Variants in ARID3A observed in about 807,000 individuals in gnomAD.
The protein encoded by ARID3A is AT-rich interactive domain-containing protein 3A.
A neutral mutation model predicts 52.7 loss-of-function variants in ARID3A; 11 were observed. The observed-to-expected ratio is 0.21, with a 90% CI of 0.13 to 0.35. The LOEUF is 0.35. ARID3A is among the 10% of genes least tolerant of loss of function. ARID3A has a pLI of 1.00. For synonymous variants in ARID3A, 404 were observed against 359.4 expected (o/e 1.12, Z -1.40); for missense variants, 721 against 838.5 (o/e 0.86, Z 1.73).
Position 964,887 on chromosome 19 carries a change from C to A in ARID3A, c.1005C>A (p.Pro335=). 1 of 1,613,988 alleles carries A rather than the reference C, an allele frequency of 6.2e-7. No individual in the cohort carries two copies. Among genetic ancestry groups the A allele is most frequent in the East Asian group, 2.2e-5 (1 of 44,884 alleles). Residue 335 remains proline (P), a synonymous_variant, in exon 6 of 9, where the codon CCC becomes CCA. Coordinates refer to ENST00000263620, the MANE Select transcript of ARID3A (RefSeq NM_005224.3). The surrounding 1 kb of genome is among the most constrained non-coding windows in gnomAD (Gnocchi z 5.7). ...YECEKRGLSN[P]NELQAAIDSN... is the part of the protein sequence containing the mutation. ...GTGAGAAGCGGGGCCTCAGTAACCCCAATGAGCTCCAGGCAGCCATAGACA... is the reference window on the plus strand; with the variant it reads ...GTGAGAAGCGGGGCCTCAGTAACCCAAATGAGCTCCAGGCAGCCATAGACA...
chr19:965,173 A>T lies in ARID3A; in HGVS notation c.1198+93A>T, dbSNP rs2038123215. 3.6e-6 allele frequency: 5 copies of T among 1,399,394 alleles called. No individual in the cohort carries two copies. The East Asian group carries it at 1.2e-4, about 35-fold the overall frequency. 86.7% of individuals were successfully genotyped at this position (1,399,394 alleles called of 1,614,324 possible). ...GGATACCTCTTCCCCTCTCTGGGTAACCAGGATGAAAAACCCTATAGTTGG... is the reference window on the plus strand; with the variant it reads ...GGATACCTCTTCCCCTCTCTGGGTATCCAGGATGAAAAACCCTATAGTTGG... On this transcript the variant is annotated intron_variant, in intron 6 of 8. Transcript: ENST00000263620.
In ARID3A at chr19:929,441, C is replaced by CCA; in HGVS notation, c.-88_-87insCA. Reference sequence around the variant, plus strand: ...CCACGCTGCAGTGCGGCCGGGCCCCCTCCCCGCAGGGGCCGCCCCCGCCGC... The same window carrying CCA: ...CCACGCTGCAGTGCGGCCGGGCCCCCCATCCCCGCAGGGGCCGCCCCCGCCGC... On this transcript the variant is annotated 5_prime_UTR_variant, in exon 2 of 9. Transcript: ENST00000263620. The surrounding 1 kb of genome is among the most constrained non-coding windows in gnomAD (Gnocchi z 6.2). 1.6e-6 allele frequency: 2 copies of CCA among 1,270,374 alleles called. No individual in the cohort carries two copies. Among genetic ancestry groups the CCA allele is most frequent in the Non-Finnish European group, 2.0e-6 (2 of 1,001,004 alleles). 78.7% of individuals were successfully genotyped at this position (1,270,374 alleles called of 1,614,324 possible). A position where few individuals can be genotyped will look rare whatever the true frequency, so the allele number is the denominator to read the frequency against.
chr19:975,010 G>C lies in ARID3A; in HGVS notation c.*2945G>C, dbSNP rs888212716. On this transcript the variant is annotated 3_prime_UTR_variant, in exon 9 of 9. Transcript: ENST00000263620. Reference sequence around the variant, plus strand: ...TCCTGGATACTCGGCAGGAAGCCGTGTCTGCAGAGGCTCCTCCCTGCCTCA... The same window carrying C: ...TCCTGGATACTCGGCAGGAAGCCGTCTCTGCAGAGGCTCCTCCCTGCCTCA... 4.3e-6 allele frequency: 1 copy of C among 232,366 alleles called. No homozygotes were observed. The highest frequency in any genetic ancestry group is 2.2e-5 in the African/African-American group (1 of 45,258). 14.4% of individuals were successfully genotyped at this position (232,366 alleles called of 1,614,324 possible).
At chr19:951,577 C>CT (rs568458909) in intron 3 of ARID3A, among the ~76,000 whole-genome samples, 214 of 152,008 alleles carry the variant, frequency 1.4e-3, no homozygotes, top group Middle Eastern at 0.01. Flanking sequence ...ACAACGTAGA[C>CT]TAAAGAACCA....
At position 948,590 on chromosome 19, in the gene ARID3A, C is replaced by T. The variant is rs963961752; in HGVS notation, c.694-11502C>T. On this transcript the variant is annotated intron_variant, in intron 3 of 8. Coordinates refer to ENST00000263620, the MANE Select transcript of ARID3A (RefSeq NM_005224.3). The stretch of plus-strand genomic sequence containing the variant: ...CCCCGTGCCCTCCTCCCGCCTGCAG[C>T]CCCAGGCTCTGCTCCGTCTTCATTC... Among the ~76,000 whole-genome samples the T allele has an allele frequency of 8.5e-5, 13 of 152,254 alleles. No individual in the cohort carries two copies. The East Asian group carries it at 2.5e-3, about 29-fold the overall frequency.
At chr19:932,276 G>T in intron 2 of ARID3A, 142 bp from the exon 3 acceptor site, 3 of 1,451,134 alleles carry the variant, frequency 2.1e-6, no homozygotes, top group East Asian at 2.5e-5. Context: ...GCTCATGAGC[G>T]CTCTCTGCAG....
At chr19:968,711 G>A (rs534558878) in intron 8 of ARID3A, 97 of 519,540 alleles carry the variant, frequency 1.9e-4, no homozygotes, top group African/African-American at 1.6e-3. Context: ...AGAGGGGGTC[G>A]TCCACAGATA....
At chr19:953,648 T>G (rs1425733914) in intron 3 of ARID3A, among the ~76,000 whole-genome samples, 3 of 151,434 alleles carry the variant, frequency 2.0e-5, no homozygotes, top group Non-Finnish European at 4.4e-5. Flanking sequence ...AGGGGGGCTG[T>G]GGAGGGGGCT....
chr19:974,298 G>GT lies in ARID3A; in HGVS notation c.*2234dup, dbSNP rs2038338576. 4.4e-6 allele frequency: 1 copy of GT among 228,466 alleles called. No individual in the cohort carries two copies. The highest frequency in any genetic ancestry group is 8.7e-6 in the Non-Finnish European group (1 of 115,094). 14.2% of individuals were successfully genotyped at this position (228,466 alleles called of 1,614,324 possible). On this transcript the variant is annotated 3_prime_UTR_variant, in exon 9 of 9. Coordinates refer to ENST00000263620, the MANE Select transcript of ARID3A (RefSeq NM_005224.3). ...ACACACACCCCCTTTCCAGGAGGGG[G>GT]TGGTGGGCGTCTAGGTTTTCCTTGT... is the stretch of plus-strand genomic sequence containing the variant.
In ARID3A at chr19:953,480, C is replaced by G. The variant is rs555624721; in HGVS notation, c.694-6612C>G. Among the ~76,000 whole-genome samples the G allele has an allele frequency of 3.9e-4, 60 of 152,070 alleles. 1 individual carries two copies. In the South Asian group the frequency reaches 8.7e-3, roughly 22 times the overall value. On this transcript the variant is annotated intron_variant, in intron 3 of 8. Coordinates refer to ENST00000263620, the MANE Select transcript of ARID3A (RefSeq NM_005224.3). Reference sequence around the variant, plus strand: ...CACCCCCCCAGGCCTCCCACACCCCCCCCCGTGCAGAGCCGGGGGAGTGTC... The same window carrying G: ...CACCCCCCCAGGCCTCCCACACCCCGCCCCGTGCAGAGCCGGGGGAGTGTC...
intron 8 of ARID3A, among the ~76,000 whole-genome samples, chr19:971,031 G>A (rs930016761): frequency 2.0e-5 from 3 of 152,168 alleles, no homozygotes; most frequent in East Asian, 1.9e-4. Context: ...TAGGGGTCTC[G>A]CAACCCCACA....
At position 935,464 on chromosome 19, in the gene ARID3A, C is replaced by A. The variant is rs532938903; in HGVS notation, c.693+2722C>A. 3.6e-4 allele frequency among the ~76,000 whole-genome samples: 55 copies of A among 152,202 alleles called. 1 individual carries two copies. Among genetic ancestry groups the A allele is most frequent in the African/African-American group, 1.3e-3 (52 of 41,522 alleles). ...AGGCCCAGCTTCTAGAAAGCGGCCA[C>A]GGTAGGATTTTATTGGATTATTATT... On this transcript the variant is annotated intron_variant, in intron 3 of 8. Transcript: ENST00000263620.
Position 972,836 on chromosome 19 carries a change from C to G in ARID3A, c.*771C>G, listed in dbSNP as rs916636742. On this transcript the variant is annotated 3_prime_UTR_variant, in exon 9 of 9. Transcript: ENST00000263620. ...AAAAAAAAAAAAAAAAAAAAACTCA[C>G]CTTTTTATTTTTCCCATGACCAATT... 16 of 131,156 alleles carry G rather than the reference C, an allele frequency of 1.2e-4. No homozygotes were observed. The highest frequency in any genetic ancestry group is 4.0e-3 in the Middle Eastern group (1 of 252). The allele number at this position is 131,156 out of a possible 1,614,324, so 8.1% of individuals were successfully genotyped here. A position where few individuals can be genotyped will look rare whatever the true frequency, so the allele number is the denominator to read the frequency against.
chr19:934,161 G>T (rs1410821979), intron 3 of ARID3A, among the ~76,000 whole-genome samples: 1 of 152,182 alleles, frequency 6.6e-6, no homozygotes, highest in Non-Finnish European at 1.5e-5. Flanking sequence ...GCAGGAGCCG[G>T]ACGGAGACCT....
chr19:934,198 C>T (rs1204478674), intron 3 of ARID3A, among the ~76,000 whole-genome samples: 2 of 152,138 alleles, frequency 1.3e-5, no homozygotes, highest in African/African-American at 2.4e-5. Context: ...ATAGCCAAGC[C>T]GAGAGGGAGG....
rs1039760215 is a variant in ARID3A at position 938,390 on chromosome 19, A to G, written c.693+5648A>G. Reference sequence around the variant, plus strand: ...TCTCCCAGATCCTCACTGGATCCCAAGGAGCTGCCGTTGAACCTGTTGTGC... The same window carrying G: ...TCTCCCAGATCCTCACTGGATCCCAGGGAGCTGCCGTTGAACCTGTTGTGC... On this transcript the variant is annotated intron_variant, in intron 3 of 8. Coordinates refer to ENST00000263620, the MANE Select transcript of ARID3A (RefSeq NM_005224.3). This position sits in a 1 kb window ranked among gnomAD's most constrained non-coding sequence, Gnocchi z 4.0. Among the ~76,000 whole-genome samples, 3 of 152,170 alleles carry G rather than the reference A, an allele frequency of 2.0e-5. No individual in the cohort carries two copies. The highest frequency in any genetic ancestry group is 4.4e-5 in the Non-Finnish European group (3 of 68,036).
At chr19:961,513 T>G (rs2038040709) in intron 4 of ARID3A, among the ~76,000 whole-genome samples, 1 of 152,202 alleles carries the variant, frequency 6.6e-6, no homozygotes, top group South Asian at 2.1e-4. Context: ...TGTTCGCACC[T>G]GCTCAGCCCT....
At chr19:943,671 A>G (rs993344667) in intron 3 of ARID3A, among the ~76,000 whole-genome samples, 3 of 152,216 alleles carry the variant, frequency 2.0e-5, no homozygotes, top group Admixed American at 2.0e-4. Flanking sequence ...CCACAAGCCA[A>G]GGACACCTGG....
intron 1 of ARID3A, among the ~76,000 whole-genome samples, chr19:926,841 G>A (rs1316689566): frequency 6.6e-6 from 1 of 152,066 alleles, no homozygotes; most frequent in Non-Finnish European, 1.5e-5. Context: ...CGGGCGGCGG[G>A]TTCAATTATC....
Sources: allele counts gnomAD v4.1 joint callset (sites outside exome capture counted in the v4.1 genomes callset), GRCh38; gene constraint gnomAD v4.1.1; non-coding constraint Gnocchi (gnomAD v3.1); transcripts MANE v1.5; gene names NCBI Gene and HGNC (gene_info 2026-07-23, HGNC 2026-07-21).